The following BICC1 variants were observed in gnomAD, a reference collection of about 807,000 sequenced individuals.
BICC1 encodes protein bicaudal C homolog 1.
Under a neutral mutation model 111.0 loss-of-function variants are expected in BICC1, and 43 were observed. The ratio of observed to expected loss-of-function variants is 0.39; its 90% CI spans 0.30 to 0.50. The LOEUF is 0.50. Among genes scored for constraint, BICC1 ranks in the 20% least tolerant of loss-of-function variants. BICC1 has a pLI of 0.88. For missense variants in BICC1, 1,091 were observed against 1,203.2 expected, an observed-to-expected ratio of 0.91 and a Z score of 1.38; for synonymous variants, 467 against 434.4, an observed-to-expected ratio of 1.07 and a Z score of -0.93.
intron 1 of BICC1, among the ~76,000 whole-genome samples, chr10:58,588,844 C>A (rs185690806): frequency 6.6e-6 from 1 of 152,192 alleles, no homozygotes; most frequent in African/African-American, 2.4e-5. Context: ...GATGGCATAG[C>A]AGACTTGGCC....
intron 1 of BICC1, among the ~76,000 whole-genome samples, chr10:58,532,438 A>G (rs1842706028): frequency 6.6e-6 from 1 of 151,872 alleles, no homozygotes; most frequent in African/African-American, 2.4e-5. Context: ...GGCAAGAACA[A>G]ATACCAAATT....
In BICC1 at chr10:58,751,036, C is replaced by G. The variant is rs1020224881; in HGVS notation, c.308-33965C>G. Among the ~76,000 whole-genome samples, 9 of 152,260 alleles carry G rather than the reference C, an allele frequency of 5.9e-5. No individual in the cohort carries two copies. The East Asian group carries it at 1.7e-3, about 29-fold the overall frequency. On this transcript the variant is annotated intron_variant, in intron 3 of 20. Coordinates refer to ENST00000373886, the MANE Select transcript of BICC1 (RefSeq NM_001080512.3). Reference sequence around the variant, plus strand: ...GAAGAACAGCCCTAGGGAATAAACTCTTAATCACAGAGCTGATTGAGTGGG... The same window carrying G: ...GAAGAACAGCCCTAGGGAATAAACTGTTAATCACAGAGCTGATTGAGTGGG...
intron 1 of BICC1, among the ~76,000 whole-genome samples, chr10:58,527,450 C>G (rs1194068424): frequency 1.3e-5 from 2 of 152,134 alleles, no homozygotes; most frequent in Admixed American, 1.3e-4. Context: ...TCAAATTTGG[C>G]TTTTGTTGCC....
chr10:58,787,674 C>G (rs1843051160), intron 5 of BICC1, among the ~76,000 whole-genome samples: 1 of 152,208 alleles, frequency 6.6e-6, no homozygotes. Context: ...ATACTAGAAA[C>G]TGTCAGCCAC....
chr10:58,726,686 A>G (rs1226055567), intron 3 of BICC1, among the ~76,000 whole-genome samples: 3 of 152,240 alleles, frequency 2.0e-5, no homozygotes, highest in African/African-American at 7.2e-5. Flanking sequence ...TGTTACTTAC[A>G]TACTGAAAAG....
At position 58,806,019 on chromosome 10, in the gene BICC1, T is replaced by C. The variant is rs573693497; in HGVS notation, c.2182-565T>C. ...CTAGGTTTAATTTTATGGCATTGCT[T>C]AATGTCATTATAAATTAAAGTTAGA... On this transcript the variant is annotated intron_variant, in intron 15 of 20. Transcript: ENST00000373886. Among the ~76,000 whole-genome samples the C allele has an allele frequency of 1.4e-4, 22 of 152,358 alleles. No homozygotes were observed. The Middle Eastern group carries it at 0.01, about 71-fold the overall frequency.
intron 1 of BICC1, among the ~76,000 whole-genome samples, chr10:58,520,112 C>T (rs1658497): frequency 0.54 from 82,012 of 151,944 alleles, 23,190 homozygotes; most frequent in African/African-American, 0.71. Context: ...CATGTTTTGT[C>T]GTCTGAAATT....
At chr10:58,568,904 G>A (rs1469985282) in intron 1 of BICC1, among the ~76,000 whole-genome samples, 3 of 152,160 alleles carry the variant, frequency 2.0e-5, no homozygotes, top group Admixed American at 1.3e-4. Context: ...CTCTTGGCTT[G>A]CCATGGAGTG....
intron 1 of BICC1, among the ~76,000 whole-genome samples, chr10:58,532,135 A>G (rs1396665068): frequency 6.6e-6 from 1 of 151,802 alleles, no homozygotes; most frequent in African/African-American, 2.4e-5. Context: ...ATTCTAGTCA[A>G]CTTTCCAAAA....
chr10:58,726,059 G>T (rs926283511), intron 3 of BICC1, among the ~76,000 whole-genome samples: 7 of 152,142 alleles, frequency 4.6e-5, no homozygotes, highest in African/African-American at 1.7e-4. Context: ...ATATCCACAA[G>T]GGATTAGAAT....
At chr10:58,794,169 G>A (rs961662760) in intron 9 of BICC1, among the ~76,000 whole-genome samples, 1 of 110,488 alleles carries the variant, frequency 9.1e-6, no homozygotes, top group Non-Finnish European at 1.8e-5. Flanking sequence ...CATGTTTTGT[G>A]TGTGTGTGTG....
rs60676102 is a variant in BICC1, at chr10:58,537,778, A to T, written c.190+24445A>T. On this transcript the variant is annotated intron_variant, in intron 1 of 20. Coordinates refer to ENST00000373886, the MANE Select transcript of BICC1 (RefSeq NM_001080512.3). Reference sequence around the variant, plus strand: ...TAGATCTGATAAATGAATCCAGTAAAGTCTCAGGTTACAAAATTAATATAC... The same window carrying T: ...TAGATCTGATAAATGAATCCAGTAATGTCTCAGGTTACAAAATTAATATAC... Among the ~76,000 whole-genome samples the T allele has an allele frequency of 4.0e-3, 602 of 151,998 alleles. 34 individuals carry two copies. In the East Asian group the frequency reaches 0.11, roughly 27 times the overall value.
intron 3 of BICC1, among the ~76,000 whole-genome samples, chr10:58,775,629 T>G (rs1589127395): frequency 6.6e-6 from 1 of 152,290 alleles, no homozygotes; most frequent in South Asian, 2.1e-4. Flanking sequence ...CATTTCTACT[T>G]TATGAGAAAA....
At chr10:58,589,494 CAA>C (rs1844536186) in intron 1 of BICC1, among the ~76,000 whole-genome samples, 1 of 150,448 alleles carries the variant, frequency 6.6e-6, no homozygotes, top group African/African-American at 2.5e-5. Context: ...TTTTTTGAGA[CAA>C]GATCTCACTT....
At chr10:58,803,017 A>G in intron 14 of BICC1, 60 bp from the exon 15 acceptor site, 1 of 1,420,026 alleles carries the variant, frequency 7.0e-7, no homozygotes, top group Non-Finnish European at 9.3e-7. Flanking sequence ...GGCATGTAGG[A>G]AACATTCAGT....
intron 3 of BICC1, among the ~76,000 whole-genome samples, chr10:58,718,742 A>ATGTGTGTGTG (rs371273354): frequency 0.013 from 1,904 of 148,480 alleles, 16 homozygotes; most frequent in African/African-American, 0.016. Context: ...TAGCATGGAA[A>ATGTGTGTGTG]TGTGTGTGTG....
intron 1 of BICC1, among the ~76,000 whole-genome samples, chr10:58,576,953 G>C (rs1240926022): frequency 6.6e-6 from 1 of 152,154 alleles, no homozygotes; most frequent in African/African-American, 2.4e-5. Context: ...GTGGATGAGG[G>C]GAGGAACAGA....
intron 3 of BICC1, among the ~76,000 whole-genome samples, chr10:58,717,259 G>C (rs998845746): frequency 5.9e-5 from 9 of 151,940 alleles, no homozygotes; most frequent in African/African-American, 1.7e-4. Flanking sequence ...ACAATGTTTA[G>C]CTTTTGTTAA....
chr10:58,616,042 A>T (rs1223479610), intron 1 of BICC1, among the ~76,000 whole-genome samples: 2 of 151,782 alleles, frequency 1.3e-5, no homozygotes, highest in Non-Finnish European at 2.9e-5. Flanking sequence ...TACACAGCTC[A>T]GCAAAAGATT....
Sources: gnomAD v4.1 joint callset for allele counts (sites outside exome capture counted in the v4.1 genomes callset) on GRCh38, gnomAD v4.1.1 for gene constraint, MANE v1.5 for transcripts, NCBI Gene and HGNC (gene_info 2026-07-23, HGNC 2026-07-21) for gene names.